Variants in CCDC85A observed in about 807,000 individuals in gnomAD.
The protein encoded by CCDC85A is coiled-coil domain containing 85A, also known as coiled-coil domain-containing protein 85A.
In CCDC85A, 38 loss-of-function variants were observed where a neutral mutation model predicts 50.2. The ratio of observed to expected loss-of-function variants is 0.76; its 90% CI spans 0.58 to 0.99. The LOEUF is 0.99. Ranked by LOEUF, CCDC85A falls within the 50% of genes least tolerant of loss-of-function variation. The pLI is 0.00. For synonymous variants in CCDC85A, 366 were observed against 301.4 expected (o/e 1.21, Z -2.22); for missense variants, 820 against 742.0 (o/e 1.11, Z -1.22).
chr2:56,232,283 T>C (rs1180831046), intron 2 of CCDC85A, among the ~76,000 whole-genome samples: 2 of 152,096 alleles, frequency 1.3e-5, no homozygotes, highest in Non-Finnish European at 2.9e-5. Context: ...TTCTTCCCCT[T>C]AGCTATTTCC....
At chr2:56,304,947 A>C (rs71414583) in intron 2 of CCDC85A, among the ~76,000 whole-genome samples, 2,727 of 143,528 alleles carry the variant, frequency 0.019, 27 homozygotes, top group African/African-American at 0.02. Context: ...AAAAAACAAA[A>C]AAAAAAAAAC....
chr2:56,303,852 G>A (rs1463250461), intron 2 of CCDC85A, among the ~76,000 whole-genome samples: 1 of 152,128 alleles, frequency 6.6e-6, no homozygotes, highest in Non-Finnish European at 1.5e-5. Flanking sequence ...GCAATATGTT[G>A]GTTGATGTGA....
At chr2:56,343,509 T>C (rs1456333048) in intron 3 of CCDC85A, among the ~76,000 whole-genome samples, 1 of 152,220 alleles carries the variant, frequency 6.6e-6, no homozygotes, top group East Asian at 1.9e-4. Flanking sequence ...AGTGGCACTT[T>C]TTCCAGGATG....
At chr2:56,284,720 G>A (rs1190913438) in intron 2 of CCDC85A, among the ~76,000 whole-genome samples, 1 of 152,064 alleles carries the variant, frequency 6.6e-6, no homozygotes, top group Non-Finnish European at 1.5e-5. Context: ...TTGTGTGTTT[G>A]TCTCTCTGCC....
At chr2:56,276,346 G>T (rs999768821) in intron 2 of CCDC85A, among the ~76,000 whole-genome samples, 6 of 146,986 alleles carry the variant, frequency 4.1e-5, no homozygotes, top group African/African-American at 1.5e-4. Flanking sequence ...GAGGGGCCCA[G>T]GGTGGTTTTT....
chr2:56,259,036 G>A (rs1035122709), intron 2 of CCDC85A, among the ~76,000 whole-genome samples: 1 of 152,182 alleles, frequency 6.6e-6, no homozygotes, highest in African/African-American at 2.4e-5. Context: ...GAAGGCACAG[G>A]TGAGGTTGGA....
chr2:56,347,194 T>C (rs1217495737), intron 3 of CCDC85A, among the ~76,000 whole-genome samples: 2 of 152,226 alleles, frequency 1.3e-5, no homozygotes, highest in East Asian at 3.9e-4. Context: ...TAGAACCTTA[T>C]GTGTCACATA....
At chr2:56,319,961 A>C (rs922076252) in intron 2 of CCDC85A, among the ~76,000 whole-genome samples, 2 of 152,184 alleles carry the variant, frequency 1.3e-5, no homozygotes, top group Admixed American at 6.6e-5. Flanking sequence ...GGGCAATCAA[A>C]CTAGAACTCA....
chr2:56,378,802 C>T (rs962052218), intron 5 of CCDC85A, among the ~76,000 whole-genome samples: 2 of 152,170 alleles, frequency 1.3e-5, no homozygotes, highest in Non-Finnish European at 2.9e-5. Flanking sequence ...ATGTGAACAT[C>T]AGCATTGTCC....
chr2:56,283,517 C>T (rs577025999), intron 2 of CCDC85A, among the ~76,000 whole-genome samples: 1 of 152,040 alleles, frequency 6.6e-6, no homozygotes, highest in African/African-American at 2.4e-5. Flanking sequence ...TTACTTTCAC[C>T]AGATTTGCTT....
intron 1 of CCDC85A, among the ~76,000 whole-genome samples, chr2:56,186,336 G>T (rs1676045923): frequency 6.6e-6 from 1 of 152,196 alleles, no homozygotes; most frequent in Admixed American, 6.5e-5. Context: ...CATTTGCCAG[G>T]AGGGTGAGCT....
intron 2 of CCDC85A, among the ~76,000 whole-genome samples, chr2:56,236,994 T>C (rs758574576): frequency 5.9e-5 from 9 of 152,198 alleles, no homozygotes; most frequent in South Asian, 2.1e-4. Context: ...GAATTTCTTT[T>C]TTACGAGGCT....
At chr2:56,376,962 A>G (rs1676364868) in intron 5 of CCDC85A, among the ~76,000 whole-genome samples, 1 of 152,254 alleles carries the variant, frequency 6.6e-6, no homozygotes, top group Non-Finnish European at 1.5e-5. Flanking sequence ...CATGCACAAA[A>G]CAAATACATA....
intron 2 of CCDC85A, among the ~76,000 whole-genome samples, chr2:56,277,846 A>T (rs1671029459): frequency 1.3e-5 from 2 of 152,218 alleles, no homozygotes; most frequent in Non-Finnish European, 2.9e-5. Flanking sequence ...GTTCTACAAG[A>T]TGGTGACCCT....
chr2:56,305,707 C>T (rs1163998517), intron 2 of CCDC85A, among the ~76,000 whole-genome samples: 1 of 152,250 alleles, frequency 6.6e-6, no homozygotes, highest in Non-Finnish European at 1.5e-5. Flanking sequence ...TGATTAAAGT[C>T]ATGGTCTTGG....
intron 2 of CCDC85A, among the ~76,000 whole-genome samples, chr2:56,203,599 T>C (rs755893605): frequency 1.3e-5 from 2 of 152,102 alleles, no homozygotes; most frequent in Non-Finnish European, 2.9e-5. Flanking sequence ...AAGACATTGA[T>C]TTGAAAAAGG....
At chr2:56,297,297 T>C (rs1247469229) in intron 2 of CCDC85A, among the ~76,000 whole-genome samples, 1 of 152,072 alleles carries the variant, frequency 6.6e-6, no homozygotes, top group African/African-American at 2.4e-5. Flanking sequence ...GGAAACTTAC[T>C]CAAAATATCA....
At chr2:56,359,527 C>T (rs1165256945) in intron 3 of CCDC85A, among the ~76,000 whole-genome samples, 2 of 152,188 alleles carry the variant, frequency 1.3e-5, no homozygotes, top group African/African-American at 4.8e-5. Flanking sequence ...TAAAATGGCA[C>T]AGGCTTATCT....
At chr2:56,287,504 AC>A (rs2104128437) in intron 2 of CCDC85A, among the ~76,000 whole-genome samples, 1 of 152,320 alleles carries the variant, frequency 6.6e-6, no homozygotes, top group East Asian at 1.9e-4. Flanking sequence ...CCAGTATTCC[AC>A]CAACTTTCTA....
Sources: gnomAD v4.1 joint callset for allele counts (sites outside exome capture counted in the v4.1 genomes callset) on GRCh38, gnomAD v4.1.1 for gene constraint, MANE v1.5 for transcripts, NCBI Gene and HGNC (gene_info 2026-07-23, HGNC 2026-07-21) for gene names.